Variants in PER2 observed in about 807,000 individuals in gnomAD.
PER2 encodes period circadian protein homolog 2.
In PER2, 66 loss-of-function variants were observed where a neutral mutation model predicts 121.0. The ratio of observed to expected loss-of-function variants is 0.55; its 90% confidence interval spans 0.45 to 0.67. The LOEUF (loss-of-function observed/expected upper bound fraction) is 0.67, where lower values mean the gene tolerates loss of function less well. PER2 is among the 30% of genes least tolerant of loss of function. The probability of loss-of-function intolerance (pLI) is 0.00; values close to 1 mark genes in which losing one functional copy is unlikely to be tolerated. For missense variants in PER2, 1,521 were observed against 1,635.0 expected, an observed-to-expected ratio of 0.93 and a Z score of 1.20; for synonymous variants, 684 against 659.9, an observed-to-expected ratio of 1.04 and a Z score of -0.56.
At chr2:238,293,779 C>A (rs1413979188), upstream of PER2, among the ~76,000 whole-genome samples, 1 of 151,348 alleles carries the variant, frequency 6.6e-6, no homozygotes, top group East Asian at 1.9e-4. Flanking sequence ...AAAGAAAAAC[C>A]AAGGATTTCA....
At chr2:238,269,066 A>C in intron 6 of PER2, 92 bp from the exon 7 acceptor site, 1 of 1,018,754 alleles carries the variant, frequency 9.8e-7, no homozygotes, top group Non-Finnish European at 1.6e-6. Context: ...CAGCAGAATC[A>C]AGCAAGATTC....
intron 14 of PER2, among the ~76,000 whole-genome samples, chr2:238,259,409 A>G (rs1254151424): frequency 6.6e-6 from 1 of 152,204 alleles, no homozygotes; most frequent in African/African-American, 2.4e-5. Context: ...CGCGCATGAC[A>G]CTGTGAAGCT....
chr2:238,288,745 AT>A (rs1365171317), upstream of PER2: 1 of 152,128 alleles, frequency 6.6e-6, no homozygotes, highest in African/African-American at 2.4e-5. Flanking sequence ...AGCTGCACGT[AT>A]CCCCTCAGCG....
In PER2 at chr2:238,284,508, AAGAG is replaced by A. The variant is rs552796830; in HGVS notation, c.-20+3837_-20+3840del. Among the ~76,000 whole-genome samples, 421 of 151,954 alleles carry A rather than the reference AAGAG, an allele frequency of 2.8e-3. 2 individuals are homozygous for A. Among genetic ancestry groups the A allele is most frequent in the African/African-American group, 9.7e-3 (403 of 41,458 alleles). Reference sequence around the variant, plus strand: ...AGATGGGCAACAAACGTAATTTTGGAAGAGAGAGAATGAATTGTCATGGCAGCTG... The same window carrying A: ...AGATGGGCAACAAACGTAATTTTGGAAGAGAATGAATTGTCATGGCAGCTG... On this transcript the variant is annotated intron_variant, in intron 1 of 22. Transcript: ENST00000254657.
chr2:238,253,798 C>G lies in PER2; in HGVS notation c.2321-96G>C. ...AGTCCTGGGTTTCCAAATGCTGGCC[C>G]AGGGCCTGCCTGGTCCACCGAGCGG... On this transcript the variant is annotated intron_variant, in intron 18 of 22. Transcript: ENST00000254657. This position sits in a 1 kb window ranked among gnomAD's most constrained non-coding sequence, Gnocchi z 5.6. 4.2e-6 allele frequency: 4 copies of G among 960,774 alleles called. No individual in the cohort carries two copies. The Admixed American group carries it at 8.0e-5, about 19-fold the overall frequency. The allele number at this position is 960,774 out of a possible 1,614,324, so 59.5% of individuals were successfully genotyped here.
chr2:238,277,653 A>T, intron 2 of PER2, 54 bp downstream of exon 2: 1 of 1,595,570 alleles, frequency 6.3e-7, no homozygotes, highest in Non-Finnish European at 8.6e-7. Context: ...AGCAGAAATG[A>T]GCCACTGAGA....
chr2:238,253,804 C>CAGCATT lies in PER2; in HGVS notation c.2321-103_2321-102insAATGCT. The CAGCATT allele has an allele frequency of 8.9e-6, 8 of 901,106 alleles. No individual in the cohort carries two copies. The highest frequency in any genetic ancestry group is 1.4e-5 in the Non-Finnish European group (8 of 569,932). The allele number at this position is 901,106 out of a possible 1,614,324, so 55.8% of individuals were successfully genotyped here. The stretch of plus-strand genomic sequence containing the variant: ...GGGTTTCCAAATGCTGGCCCAGGGC[C>CAGCATT]TGCCTGGTCCACCGAGCGGTTTTCC... On this transcript the variant is annotated intron_variant, in intron 18 of 22. Transcript: ENST00000254657. The surrounding 1 kb of genome is among the most constrained non-coding windows in gnomAD (Gnocchi z 5.6).
intron 21 of PER2, among the ~76,000 whole-genome samples, chr2:238,249,514 A>G (rs1695542012): frequency 6.6e-6 from 1 of 152,150 alleles, no homozygotes; most frequent in South Asian, 2.1e-4. Flanking sequence ...TTCATCTGGG[A>G]GATTCTTGCC....
Position 238,274,105 on chromosome 2 carries a change from C to G in PER2, c.449-914G>C, listed in dbSNP as rs187167723. On this transcript the variant is annotated intron_variant, in intron 4 of 22. Transcript: ENST00000254657. ...ACTGACTGCTTAAAAAAATAACAGG[C>G]ACAAGAAACATTTGAAAGAAAGTTT... 7.9e-5 allele frequency among the ~76,000 whole-genome samples: 12 copies of G among 152,348 alleles called. No individual in the cohort carries two copies. In the East Asian group the frequency reaches 2.1e-3, roughly 27 times the overall value.
At chr2:238,293,133 A>C (rs1377151840), upstream of PER2, among the ~76,000 whole-genome samples, 1 of 151,586 alleles carries the variant, frequency 6.6e-6, no homozygotes, top group African/African-American at 2.4e-5. Context: ...AAATACATCT[A>C]ATCTTTTCTT....
At chr2:238,257,225 T>G in intron 16 of PER2, 139 bp from the exon 17 acceptor site, 1 of 683,938 alleles carries the variant, frequency 1.5e-6, no homozygotes, top group Non-Finnish European at 2.5e-6. Context: ...ACAGATGCTC[T>G]GGCCCAGGCA....
intron 3 of PER2, 44 bp from the exon 4 acceptor site, chr2:238,275,941 G>T (rs1172663289): frequency 6.2e-7 from 1 of 1,609,132 alleles, no homozygotes; most frequent in South Asian, 1.1e-5. Flanking sequence ...AGCTTCCTAG[G>T]TGTCCTTTCC....
chr2:238,265,873 A>G (rs1160360727), intron 8 of PER2, among the ~76,000 whole-genome samples: 3 of 151,956 alleles, frequency 2.0e-5, no homozygotes, highest in Admixed American at 6.5e-5. Context: ...GACTACTCTT[A>G]GCAAAATAAA....
chr2:238,276,743 T>C (rs963457107), intron 3 of PER2, among the ~76,000 whole-genome samples: 4 of 152,098 alleles, frequency 2.6e-5, no homozygotes, highest in Non-Finnish European at 5.9e-5. Context: ...TCTCAGGCAA[T>C]GCAAAGTGCC....
At chr2:238,250,876 G>GC (rs1695579690) in intron 20 of PER2, 133 bp from the exon 21 acceptor site, 1 of 683,598 alleles carries the variant, frequency 1.5e-6, no homozygotes, top group Non-Finnish European at 2.6e-6. Flanking sequence ...CTATGCCGGT[G>GC]CATGTTCCCC....
chr2:238,277,075 A>G, intron 3 of PER2, 56 bp downstream of exon 3: 1 of 1,290,528 alleles, frequency 7.7e-7, no homozygotes, highest in Admixed American at 1.7e-5. Flanking sequence ...AACCTCCAAT[A>G]AGAAGTCTTT....
At chr2:238,261,663 C>T in intron 12 of PER2, 66 bp downstream of exon 12, 1 of 1,007,914 alleles carries the variant, frequency 9.9e-7, no homozygotes, top group Middle Eastern at 2.6e-4. Flanking sequence ...GGTTCAGAGC[C>T]TATGTCCTCT....
rs553302694 is a variant in PER2, at chr2:238,255,984, G to A, written c.2066-73C>T. 3.2e-5 allele frequency: 50 copies of A among 1,553,592 alleles called. No homozygotes were observed. In the East Asian group the frequency reaches 5.8e-4, roughly 18 times the overall value. On this transcript the variant is annotated intron_variant, in intron 17 of 22. Coordinates refer to ENST00000254657, the MANE Select transcript of PER2 (RefSeq NM_022817.3). ...TATTTTAAGGCCACACTATATTCAC[G>A]AACAAGACAAATCATTCACGTATAA...
At position 238,253,983 on chromosome 2, in the gene PER2, A is replaced by G. The variant is rs1432484248; in HGVS notation, c.2321-281T>C. Among the ~76,000 whole-genome samples, 1 of 152,268 alleles carries G rather than the reference A, an allele frequency of 6.6e-6. No homozygotes were observed. Among genetic ancestry groups the G allele is most frequent in the Non-Finnish European group, 1.5e-5 (1 of 68,052 alleles). The stretch of plus-strand genomic sequence containing the variant: ...GTCCTTTCTTTTATGAAATGCTAAT[A>G]TGATAAGTGGTAATACAAAGTTCTA... On this transcript the variant is annotated intron_variant, in intron 18 of 22. Transcript: ENST00000254657. This position sits in a 1 kb window ranked among gnomAD's most constrained non-coding sequence, Gnocchi z 5.6.
Sources: allele counts gnomAD v4.1 joint callset (sites outside exome capture counted in the v4.1 genomes callset), GRCh38; gene constraint gnomAD v4.1.1; non-coding constraint Gnocchi (gnomAD v3.1); transcripts MANE v1.5; gene names NCBI Gene and HGNC (gene_info 2026-07-23, HGNC 2026-07-21).